The following ZNF410 variants were observed in gnomAD, a reference collection of about 807,000 sequenced individuals.
The protein encoded by ZNF410 is another partner for ARF 1.
A neutral mutation model predicts 54.8 loss-of-function variants in ZNF410; 18 were observed. That is an observed-to-expected ratio of 0.33 (90% CI 0.23 to 0.49). The LOEUF (loss-of-function observed/expected upper bound fraction) is 0.49. Among genes scored for constraint, ZNF410 ranks in the 20% least tolerant of loss-of-function variants. The probability of loss-of-function intolerance (pLI) is 0.99; values close to 1 mark genes in which losing one functional copy is unlikely to be tolerated. For missense variants in ZNF410, 405 were observed against 569.6 expected (o/e 0.71, Z 2.94); for synonymous variants, 191 against 207.3 (o/e 0.92, Z 0.68).
intron 6 of ZNF410, 39 bp downstream of exon 6, chr14:73,904,149 A>G: frequency 1.3e-6 from 2 of 1,581,442 alleles, no homozygotes; most frequent in Non-Finnish European, 1.7e-6. Flanking sequence ...ATATACGTTG[A>G]TGCAAAAGTT....
chr14:73,900,506 T>C (rs2055389014), intron 5 of ZNF410, among the ~76,000 whole-genome samples: 2 of 151,838 alleles, frequency 1.3e-5, no homozygotes, highest in African/African-American at 4.8e-5. Flanking sequence ...CCCGAGTAGC[T>C]GGGACTACAT....
At chr14:73,909,628 T>A (rs1035487644) in intron 8 of ZNF410, 198 bp downstream of exon 8, 48 of 498,602 alleles carry the variant, frequency 9.6e-5, no homozygotes, top group African/African-American at 8.9e-4. Context: ...CATCTAATTA[T>A]TATTTTCAGC....
intron 7 of ZNF410, among the ~76,000 whole-genome samples, chr14:73,908,138 C>T (rs1439831659): frequency 6.6e-6 from 1 of 152,104 alleles, no homozygotes; most frequent in African/African-American, 2.4e-5. Flanking sequence ...CCCCAAAGGC[C>T]ATGTTTTTCA....
chr14:73,900,948 C>A (rs1041387054), intron 5 of ZNF410, among the ~76,000 whole-genome samples: 4 of 152,120 alleles, frequency 2.6e-5, no homozygotes, highest in African/African-American at 9.7e-5. Context: ...AGATTGGACA[C>A]CCTTGCACTA....
intron 11 of ZNF410, among the ~76,000 whole-genome samples, chr14:73,926,471 G>A (rs1223668993): frequency 6.6e-6 from 1 of 151,744 alleles, no homozygotes; most frequent in Non-Finnish European, 1.5e-5. Context: ...CTCACTCTGT[G>A]GCCCAGGTCA....
intron 11 of ZNF410, among the ~76,000 whole-genome samples, chr14:73,930,138 A>G (rs1415479700): frequency 6.6e-6 from 1 of 152,246 alleles, no homozygotes; most frequent in Non-Finnish European, 1.5e-5. Context: ...TACAAATTCT[A>G]TAATATTTCT....
intron 1 of ZNF410, chr14:73,888,121 C>T (rs945686355): frequency 6.6e-6 from 1 of 151,888 alleles, no homozygotes; most frequent in African/African-American, 2.4e-5. Flanking sequence ...CAGAGAATCA[C>T]GGGAATTATT....
In ZNF410 at chr14:73,905,968, C is replaced by CATATGTATATATAT. The variant is rs1555353432; in HGVS notation, c.913+889_913+890insGTATATATATATAT. Reference sequence around the variant, plus strand: ...ATACACACACACACACACACACACACATATATATATATATATATATATATA... The same window carrying CATATGTATATATAT: ...ATACACACACACACACACACACACACATATGTATATATATATATATATATATATATATATATATA... On this transcript the variant is annotated intron_variant, in intron 7 of 11. Coordinates refer to ENST00000555044, the MANE Select transcript of ZNF410 (RefSeq NM_021188.3). Among the ~76,000 whole-genome samples, 9 of 78,934 alleles carry CATATGTATATATAT rather than the reference C, an allele frequency of 1.1e-4. No individual in the cohort carries two copies. The East Asian group carries it at 2.7e-3, about 23-fold the overall frequency. 51.8% of individuals were successfully genotyped at this position (78,934 alleles called of 152,430 possible).
chr14:73,928,790 T>G (rs1248525551), intron 11 of ZNF410, among the ~76,000 whole-genome samples: 2 of 152,030 alleles, frequency 1.3e-5, no homozygotes, highest in Non-Finnish European at 2.9e-5. Flanking sequence ...CAAAAAGTTT[T>G]TTAAAAAATT....
chr14:73,920,225 AT>A (rs2055736771), intron 8 of ZNF410: 1 of 152,028 alleles, frequency 6.6e-6, no homozygotes, highest in Non-Finnish European at 1.5e-5. Flanking sequence ...TCAATTGTGA[AT>A]TTGTTCCTAG....
intron 11 of ZNF410, among the ~76,000 whole-genome samples, chr14:73,931,152 G>A (rs913926729): frequency 1.3e-5 from 2 of 152,050 alleles, no homozygotes; most frequent in Admixed American, 6.5e-5. Flanking sequence ...CCTATCCTTT[G>A]GCTGACACGT....
chr14:73,896,152 ATC>A (rs2055314216), intron 3 of ZNF410, 162 bp from the exon 4 acceptor site: 3 of 602,816 alleles, frequency 5.0e-6, no homozygotes, highest in African/African-American at 1.9e-5. Flanking sequence ...ACATAAAGCC[ATC>A]TCTCTGTTCT....
intron 11 of ZNF410, chr14:73,927,711 T>C (rs2055853557): frequency 6.6e-6 from 1 of 152,182 alleles, no homozygotes; most frequent in South Asian, 2.1e-4. Context: ...AAACAAAATA[T>C]AGTCTCTGCC....
intron 4 of ZNF410, 75 bp downstream of exon 4, chr14:73,896,609 A>T: frequency 8.9e-7 from 1 of 1,121,946 alleles, no homozygotes; most frequent in South Asian, 1.4e-5. Flanking sequence ...TAACTTAGTC[A>T]TACTTAAAAT....
chr14:73,904,646 A>T (rs116266918), intron 6 of ZNF410, among the ~76,000 whole-genome samples: 2,062 of 152,258 alleles, frequency 0.014, 45 homozygotes, highest in African/African-American at 0.047. Flanking sequence ...TTTTTTAAAG[A>T]CAGGGTCTCG....
chr14:73,919,886 G>GTTTTTTTTTTTTTTT (rs1158550117), intron 8 of ZNF410, among the ~76,000 whole-genome samples: 6 of 62,044 alleles, frequency 9.7e-5, no homozygotes, highest in African/African-American at 1.2e-4. Context: ...TATTGTATAG[G>GTTTTTTTTTTTTTTT]TTTTTTTTTT....
rs571883915 is a variant in ZNF410, at chr14:73,890,162, C to G, written c.-149-1865C>G. The stretch of plus-strand genomic sequence containing the variant: ...AGCTTAGAAAGAGAGAGGGAGAAAC[C>G]AACAGGACAAAAAAACATTTATTCA... On this transcript the variant is annotated intron_variant, in intron 1 of 11. Transcript: ENST00000555044. 6.0e-5 allele frequency among the ~76,000 whole-genome samples: 9 copies of G among 149,414 alleles called. No homozygotes were observed. In the South Asian group the frequency reaches 1.9e-3, roughly 31 times the overall value.
intron 7 of ZNF410, among the ~76,000 whole-genome samples, chr14:73,905,990 T>TACACAC (rs2055483344): frequency 6.9e-6 from 1 of 144,416 alleles, no homozygotes; most frequent in Admixed American, 6.9e-5. Context: ...TATATATATA[T>TACACAC]ATATACACAC....
Position 73,931,819 on chromosome 14 carries a change from G to A in ZNF410, c.*278G>A. On this transcript the variant is annotated 3_prime_UTR_variant, in exon 12 of 12. Transcript: ENST00000555044. ...CAAATTTCTGGGATAGACCAAAAGT[G>A]AATTTGATTATGTGTTGGCTGAAGT... is the stretch of plus-strand genomic sequence containing the variant. The A allele has an allele frequency of 2.2e-6, 1 of 464,074 alleles. No homozygotes were observed. Among genetic ancestry groups the A allele is most frequent in the Admixed American group, 3.1e-5 (1 of 32,522 alleles). 28.7% of individuals were successfully genotyped at this position (464,074 alleles called of 1,614,324 possible). A position where few individuals can be genotyped will look rare whatever the true frequency, so the allele number is the denominator to read the frequency against.
Sources: allele counts gnomAD v4.1 joint callset (sites outside exome capture counted in the v4.1 genomes callset), GRCh38; gene constraint gnomAD v4.1.1; transcripts MANE v1.5; gene names NCBI Gene and HGNC (gene_info 2026-07-23, HGNC 2026-07-21).